Variants in NBAS observed in about 807,000 individuals in gnomAD.
NBAS encodes the protein NAG/BC035112 fusion.
In NBAS, 219 loss-of-function variants were observed where a neutral mutation model predicts 302.5. The observed-to-expected ratio is 0.72, with a 90% confidence interval of 0.65 to 0.81. NBAS has a LOEUF of 0.81. Among genes scored for constraint, NBAS ranks in the 30% least tolerant of loss-of-function variants. The probability of loss-of-function intolerance (pLI) is 0.00; values close to 1 mark genes in which losing one functional copy is unlikely to be tolerated. For synonymous variants in NBAS, 1,118 were observed against 1,021.6 expected, an observed-to-expected ratio of 1.09 and a Z score of -1.80; for missense variants, 2,932 against 2,841.6, an observed-to-expected ratio of 1.03 and a Z score of -0.72.
the NBAS span, among the ~76,000 whole-genome samples, chr2:14,813,896 T>G: frequency 6.6e-6 from 1 of 152,056 alleles, no homozygotes; most frequent in Non-Finnish European, 1.5e-5. Flanking sequence ...GGAAAAAATT[T>G]GGGGGGGCCA....
At chr2:15,479,683 A>C (rs1011462704) in intron 12 of NBAS, among the ~76,000 whole-genome samples, 10 of 152,332 alleles carry the variant, frequency 6.6e-5, no homozygotes, top group African/African-American at 2.4e-4. Flanking sequence ...GTCAAAACTA[A>C]TGATAAGAAG....
intron 21 of NBAS, among the ~76,000 whole-genome samples, chr2:15,434,969 C>T (rs983829408): frequency 2.0e-5 from 3 of 152,128 alleles, no homozygotes; most frequent in Non-Finnish European, 4.4e-5. Context: ...AACAGAGAGA[C>T]CCTTATTTCA....
the NBAS span, among the ~76,000 whole-genome samples, chr2:15,103,461 T>C: frequency 6.6e-6 from 1 of 152,176 alleles, no homozygotes; most frequent in Admixed American, 6.5e-5. Context: ...AAAGTATGCA[T>C]TGACTCACTG....
At chr2:14,893,077 G>A in the NBAS span, among the ~76,000 whole-genome samples, 1 of 152,090 alleles carries the variant, frequency 6.6e-6, no homozygotes, top group Non-Finnish European at 1.5e-5. Flanking sequence ...TTAATCTTCT[G>A]TTTTTTACAG....
At chr2:15,166,281 GCT>G (rs1422269237), downstream of NBAS, among the ~76,000 whole-genome samples, 1 of 152,156 alleles carries the variant, frequency 6.6e-6, no homozygotes, top group East Asian at 1.9e-4. Context: ...GTGCATGCTG[GCT>G]CTGTTCCCCC....
At chr2:15,023,677 T>G in the NBAS span, among the ~76,000 whole-genome samples, 1 of 107,554 alleles carries the variant, frequency 9.3e-6, no homozygotes, top group African/African-American at 3.4e-5. Context: ...GAGAGTTAAT[T>G]TAAACATCAT....
the NBAS span, among the ~76,000 whole-genome samples, chr2:14,844,271 C>T: frequency 6.6e-6 from 1 of 152,260 alleles, no homozygotes; most frequent in East Asian, 1.9e-4. Flanking sequence ...CAGGCCGTAG[C>T]TCCCAGACAA....
At chr2:15,498,493 A>C (rs1243315410) in intron 11 of NBAS, among the ~76,000 whole-genome samples, 1 of 152,240 alleles carries the variant, frequency 6.6e-6, no homozygotes, top group South Asian at 2.1e-4. Flanking sequence ...TGGGAGCATA[A>C]ATTAGTTCAA....
chr2:15,215,000 T>C (rs572700353), intron 48 of NBAS, among the ~76,000 whole-genome samples: 1 of 152,288 alleles, frequency 6.6e-6, no homozygotes, highest in Non-Finnish European at 1.5e-5. Flanking sequence ...TGAGGTGACA[T>C]GGTATGGGAT....
the NBAS span, among the ~76,000 whole-genome samples, chr2:14,906,656 T>TTCTACCTGTGTA: frequency 6.6e-6 from 1 of 152,174 alleles, no homozygotes; most frequent in South Asian, 2.1e-4. Flanking sequence ...TGGCATGGGC[T>TTCTACCTGTGTA]GCCCAATGTC....
At chr2:15,336,087 C>T (rs1256220502) in intron 35 of NBAS, among the ~76,000 whole-genome samples, 1 of 140,798 alleles carries the variant, frequency 7.1e-6, no homozygotes, top group Non-Finnish European at 1.5e-5. Context: ...CAGGGATCCT[C>T]ATTTCAAAAA....
the NBAS span, among the ~76,000 whole-genome samples, chr2:14,903,824 G>A: frequency 0.053 from 8,038 of 151,956 alleles, 702 homozygotes; most frequent in African/African-American, 0.19. Flanking sequence ...GGAGAAGCAT[G>A]CCTGTCCCCC....
rs79591002 is a variant in NBAS at position 15,275,825 on chromosome 2, G to T, written c.5390-7C>A. Reference sequence around the variant, plus strand: ...AGCTTTTTGTAATTAAGACCTAGCAGAAAAAAAAAGAAAGTAGGTAAGTGG... The same window carrying T: ...AGCTTTTTGTAATTAAGACCTAGCATAAAAAAAAAGAAAGTAGGTAAGTGG... On this transcript the variant is annotated splice_polypyrimidine_tract_variant and splice_region_variant and intron_variant, in intron 43 of 51. Coordinates refer to ENST00000281513, the MANE Select transcript of NBAS (RefSeq NM_015909.4). 9 of 1,597,274 alleles carry T rather than the reference G, an allele frequency of 5.6e-6. No homozygotes were observed. Among genetic ancestry groups the T allele is most frequent in the Admixed American group, 5.1e-5 (3 of 59,108 alleles).
intron 48 of NBAS, among the ~76,000 whole-genome samples, chr2:15,205,032 AAAG>A (rs934837288): frequency 1.1e-4 from 17 of 152,284 alleles, no homozygotes; most frequent in Admixed American, 9.8e-4. Flanking sequence ...AAAATTAAAA[AAAG>A]AAGTAGCAAT....
chr2:15,473,482 GAAGCTCACA>G, intron 15 of NBAS, 135 bp from the exon 16 acceptor site: 1 of 1,104,972 alleles, frequency 9.1e-7, no homozygotes, highest in Non-Finnish European at 1.3e-6. Context: ...TGTGGCACCA[GAAGCTCACA>G]GATATTTTGA....
intron 21 of NBAS, among the ~76,000 whole-genome samples, chr2:15,431,162 C>A (rs1677745675): frequency 6.6e-6 from 1 of 152,094 alleles, no homozygotes; most frequent in South Asian, 2.1e-4. Flanking sequence ...CAAAAAGGAC[C>A]ATTTACATGC....
chr2:14,854,835 A>G, the NBAS span, among the ~76,000 whole-genome samples: 2 of 152,166 alleles, frequency 1.3e-5, no homozygotes, highest in Non-Finnish European at 2.9e-5. Flanking sequence ...CTTGAAAGGC[A>G]GTCTAGACTA....
intron 28 of NBAS, among the ~76,000 whole-genome samples, chr2:15,384,660 C>T (rs1182631689): frequency 1.3e-5 from 2 of 151,894 alleles, no homozygotes; most frequent in Admixed American, 6.6e-5. Flanking sequence ...AGACAATATA[C>T]TGTAATTCTC....
chr2:15,467,100 T>C (rs1225018339), intron 19 of NBAS, among the ~76,000 whole-genome samples: 2 of 152,224 alleles, frequency 1.3e-5, no homozygotes, highest in Non-Finnish European at 2.9e-5. Flanking sequence ...ACAAATGCAC[T>C]GAAATGGCTA....
Sources: gnomAD v4.1 joint callset for allele counts (sites outside exome capture counted in the v4.1 genomes callset) on GRCh38, gnomAD v4.1.1 for gene constraint, MANE v1.5 for transcripts, NCBI Gene and HGNC (gene_info 2026-07-23, HGNC 2026-07-21) for gene names.